Variants in CAST observed in about 807,000 individuals in gnomAD.
CAST encodes the protein MIR583 host.
A neutral mutation model predicts 119.6 loss-of-function variants in CAST; 76 were observed. The ratio of observed to expected loss-of-function variants is 0.64; its 90% CI spans 0.53 to 0.77. The LOEUF is 0.77. Among genes scored for constraint, CAST ranks in the 30% least tolerant of loss-of-function variants. CAST has a pLI of 0.00. For synonymous variants in CAST, 319 were observed against 331.6 expected, an observed-to-expected ratio of 0.96 and a Z score of 0.41; for missense variants, 953 against 946.5, an observed-to-expected ratio of 1.01 and a Z score of -0.09.
At chr5:96,440,768 T>C in the CAST span, among the ~76,000 whole-genome samples, 1 of 152,232 alleles carries the variant, frequency 6.6e-6, no homozygotes. Context: ...GGTGCAATGG[T>C]TGATGATCCA....
At chr5:96,032,625 C>G in the CAST span, among the ~76,000 whole-genome samples, 1 of 152,106 alleles carries the variant, frequency 6.6e-6, no homozygotes, top group Non-Finnish European at 1.5e-5. Context: ...AAACATTGTG[C>G]CACGAAATAC....
intron 1 of CAST, among the ~76,000 whole-genome samples, chr5:96,567,626 AT>A (rs1487278684): frequency 6.6e-6 from 1 of 151,562 alleles, no homozygotes; most frequent in Non-Finnish European, 1.5e-5. Context: ...ACCTACTCTT[AT>A]TTTTTCTGTT....
intron 1 of CAST, among the ~76,000 whole-genome samples, chr5:96,629,832 C>T (rs1747793512): frequency 6.6e-6 from 1 of 152,204 alleles, no homozygotes; most frequent in South Asian, 2.1e-4. Flanking sequence ...AGCAATGTAC[C>T]ACAGCACTTA....
intron 1 of CAST, among the ~76,000 whole-genome samples, chr5:96,634,907 C>A (rs549975137): frequency 6.6e-6 from 1 of 152,206 alleles, no homozygotes; most frequent in African/African-American, 2.4e-5. Context: ...GGTAAGATTT[C>A]TTAAAGAACT....
chr5:96,220,252 A>G, the CAST span, among the ~76,000 whole-genome samples: 5 of 152,162 alleles, frequency 3.3e-5, no homozygotes, highest in South Asian at 1.0e-3. Flanking sequence ...TTGCTTTGTG[A>G]AGACATGATG....
At chr5:96,006,408 G>A in the CAST span, among the ~76,000 whole-genome samples, 1 of 151,872 alleles carries the variant, frequency 6.6e-6, no homozygotes, top group Non-Finnish European at 1.5e-5. Flanking sequence ...TGTTTTAAGA[G>A]TTTACAAATT....
In CAST at chr5:96,600,661, C is replaced by T. The variant is rs140269290; in HGVS notation, c.60+70781C>T. On this transcript the variant is annotated intron_variant, in intron 1 of 11. Coordinates refer to the CAST transcript ENST00000505143. ...CCCAGCTCTATGTGTCCCTGTTTTC[C>T]TTCCTTACCTGCATATTCTTTCTGC... 2.4e-3 allele frequency among the ~76,000 whole-genome samples: 362 copies of T among 152,240 alleles called. 1 individual carries two copies. Among genetic ancestry groups the T allele is most frequent in the African/African-American group, 8.5e-3 (354 of 41,550 alleles).
At chr5:96,272,129 G>C in the CAST span, among the ~76,000 whole-genome samples, 2 of 152,094 alleles carry the variant, frequency 1.3e-5, no homozygotes, top group Non-Finnish European at 2.9e-5. Flanking sequence ...ACAAAGATGT[G>C]CAGAAAGGGA....
intron 13 of CAST, 145 bp downstream of exon 13, chr5:96,740,928 G>A: frequency 1.5e-6 from 1 of 646,244 alleles, no homozygotes; most frequent in Non-Finnish European, 2.8e-6. Flanking sequence ...AGAGAAAGGG[G>A]TTGGTGGGAG....
chr5:96,168,570 G>A, the CAST span, among the ~76,000 whole-genome samples: 1 of 152,148 alleles, frequency 6.6e-6, no homozygotes, highest in Non-Finnish European at 1.5e-5. Flanking sequence ...TGATAGATGT[G>A]GAAGATACTA....
chr5:96,376,745 C>G, the CAST span, among the ~76,000 whole-genome samples: 1 of 152,144 alleles, frequency 6.6e-6, no homozygotes, highest in Admixed American at 6.6e-5. Flanking sequence ...CAGCCCCATA[C>G]TATATTTTTA....
chr5:96,265,105 A>T, the CAST span, among the ~76,000 whole-genome samples: 2 of 152,150 alleles, frequency 1.3e-5, no homozygotes, highest in African/African-American at 2.4e-5. Context: ...TGCTGAACAG[A>T]TCTTCAAAGT....
the CAST span, among the ~76,000 whole-genome samples, chr5:96,241,920 T>C: frequency 7.1e-6 from 1 of 140,912 alleles, no homozygotes; most frequent in Non-Finnish European, 1.6e-5. Flanking sequence ...TGTTTGTTTT[T>C]TTCTTGTAAA....
At chr5:96,237,259 G>T in the CAST span, among the ~76,000 whole-genome samples, 1 of 152,040 alleles carries the variant, frequency 6.6e-6, no homozygotes, top group African/African-American at 2.4e-5. Context: ...CTGAGAGGAG[G>T]GTTCTGGAAT....
At chr5:96,754,342 C>T (rs1439314079) in intron 21 of CAST, among the ~76,000 whole-genome samples, 181 bp downstream of exon 21, 1 of 152,170 alleles carries the variant, frequency 6.6e-6, no homozygotes, top group African/African-American at 2.4e-5. Flanking sequence ...AGTGTTGAAC[C>T]CCCACAGTGG....
At chr5:95,985,767 A>T in the CAST span, among the ~76,000 whole-genome samples, 1 of 152,182 alleles carries the variant, frequency 6.6e-6, no homozygotes, top group African/African-American at 2.4e-5. Flanking sequence ...TTAATACCTC[A>T]GTGTTATTTT....
rs1746605766 is a variant in CAST at position 96,573,374 on chromosome 5, TAA to T, written c.60+43495_60+43496del. Among the ~76,000 whole-genome samples, 7 of 152,320 alleles carry T rather than the reference TAA, an allele frequency of 4.6e-5. No individual in the cohort carries two copies. The South Asian group carries it at 1.4e-3, about 32-fold the overall frequency. On this transcript the variant is annotated intron_variant, in intron 1 of 11. Coordinates refer to the CAST transcript ENST00000505143. The stretch of plus-strand genomic sequence containing the variant: ...AGCCAGACATGGTGGCTCACACCTG[TAA>T]TCCCAACACTTTGGGAGGCTGAGGC...
chr5:96,662,322 T>TCCC, upstream of CAST: 2 of 567,042 alleles, frequency 3.5e-6, no homozygotes, highest in South Asian at 7.0e-5. Context: ...GGCCCTCCGC[T>TCCC]CCCTCCCTCC....
At chr5:96,384,201 T>C in the CAST span, among the ~76,000 whole-genome samples, 1 of 152,144 alleles carries the variant, frequency 6.6e-6, no homozygotes, top group Non-Finnish European at 1.5e-5. Flanking sequence ...CTTTCATGCG[T>C]AGGAAATTGG....
Sources: gnomAD v4.1 joint callset for allele counts (sites outside exome capture counted in the v4.1 genomes callset) on GRCh38, gnomAD v4.1.1 for gene constraint, MANE v1.5 for transcripts, NCBI Gene and HGNC (gene_info 2026-07-23, HGNC 2026-07-21) for gene names.